The following MTMR3 variants were observed in gnomAD, a reference collection of about 807,000 sequenced individuals.
MTMR3 encodes myotubularin related protein 3.
MTMR3 carries 32 observed loss-of-function variants against 132.4 expected under a neutral mutation model. That is an observed-to-expected ratio of 0.24 (90% CI 0.18 to 0.32). The LOEUF is 0.32. Ranked by LOEUF, MTMR3 falls within the 10% of genes least tolerant of loss-of-function variation. The pLI is 1.00. For synonymous variants in MTMR3, 556 were observed against 550.3 expected (o/e 1.01, Z -0.14); for missense variants, 1,216 against 1,489.6 (o/e 0.82, Z 3.02).
chr22:29,920,117 G>A (rs2065380734), intron 1 of MTMR3, among the ~76,000 whole-genome samples: 1 of 151,908 alleles, frequency 6.6e-6, no homozygotes, highest in Admixed American at 6.6e-5. Context: ...GGGAGGCTGA[G>A]GCAGGAGAAT....
At chr22:29,975,030 A>C (rs1027388737) in intron 3 of MTMR3, among the ~76,000 whole-genome samples, 1 of 152,176 alleles carries the variant, frequency 6.6e-6, no homozygotes, top group African/African-American at 2.4e-5. Context: ...GCAGTGGTGC[A>C]ATCATGGCTC....
At chr22:29,904,614 G>A (rs1368314493) in intron 1 of MTMR3, among the ~76,000 whole-genome samples, 1 of 152,206 alleles carries the variant, frequency 6.6e-6, no homozygotes, top group Non-Finnish European at 1.5e-5. Context: ...TAAGCACTCA[G>A]TATTTGCTAA....
chr22:30,018,778 G>C (rs1186869252), intron 16 of MTMR3: 1 of 151,844 alleles, frequency 6.6e-6, no homozygotes, highest in Non-Finnish European at 1.5e-5. Flanking sequence ...TTTGTCACTT[G>C]AGAATTAGCT....
At chr22:29,953,299 G>A (rs1257150458) in intron 1 of MTMR3, among the ~76,000 whole-genome samples, 1 of 152,200 alleles carries the variant, frequency 6.6e-6, no homozygotes, top group Non-Finnish European at 1.5e-5. Context: ...GAGCCTCTTA[G>A]TTTTCCCTCA....
intron 1 of MTMR3, among the ~76,000 whole-genome samples, chr22:29,925,985 A>G (rs1189719847): frequency 6.6e-6 from 1 of 152,224 alleles, no homozygotes; most frequent in African/African-American, 2.4e-5. Context: ...TTGCATGGTC[A>G]TAACTGCTAT....
chr22:30,022,486 G>T (rs940172195), intron 18 of MTMR3, 123 bp from the exon 19 acceptor site: 1 of 801,084 alleles, frequency 1.2e-6, no homozygotes, highest in South Asian at 1.5e-5. Flanking sequence ...CATCAGATCT[G>T]CTGGGCTGGT....
At chr22:29,947,979 G>A (rs1022704857) in intron 1 of MTMR3, among the ~76,000 whole-genome samples, 2 of 152,066 alleles carry the variant, frequency 1.3e-5, no homozygotes, top group African/African-American at 4.8e-5. Context: ...CCTGCATTGT[G>A]GTGTGTGGTT....
At chr22:30,025,569 G>T in intron 19 of MTMR3, 61 bp from the exon 20 acceptor site, 3 of 1,564,214 alleles carry the variant, frequency 1.9e-6, no homozygotes, top group Admixed American at 3.4e-5. Context: ...TTTTGAAGTT[G>T]GTTTCCCTCC....
intron 9 of MTMR3, chr22:30,006,188 G>A (rs1468282945): frequency 6.6e-6 from 1 of 152,196 alleles, no homozygotes; most frequent in East Asian, 1.9e-4. Context: ...ACTAGGAAAA[G>A]TCTGGGTTTT....
At chr22:30,022,320 A>ACT in intron 18 of MTMR3, 181 bp downstream of exon 18, 1 of 615,796 alleles carries the variant, frequency 1.6e-6, no homozygotes, top group Non-Finnish European at 2.9e-6. Context: ...AGCCAGGGAG[A>ACT]CTCAGCAAGC....
At chr22:30,023,789 T>C (rs966302336) in intron 19 of MTMR3, 12 of 405,612 alleles carry the variant, frequency 3.0e-5, no homozygotes, top group Non-Finnish European at 5.4e-5. Flanking sequence ...TTCAGAGCTA[T>C]TTATTTTGGG....
chr22:30,022,820 A>G (rs2145982049), intron 19 of MTMR3, 123 bp downstream of exon 19: 2 of 845,302 alleles, frequency 2.4e-6, no homozygotes, highest in Non-Finnish European at 3.7e-6. Context: ...CCATGGTCTC[A>G]TCTTCCTGTG....
chr22:29,989,652 G>A (rs990185132), intron 6 of MTMR3: 3 of 152,062 alleles, frequency 2.0e-5, no homozygotes, highest in African/African-American at 7.2e-5. Flanking sequence ...ATTAAATTGA[G>A]GTTCTATTTT....
At chr22:29,898,950 C>T (rs1366765366) in intron 1 of MTMR3, among the ~76,000 whole-genome samples, 1 of 147,468 alleles carries the variant, frequency 6.8e-6, no homozygotes, top group African/African-American at 2.5e-5. Flanking sequence ...TAGTAGTAAT[C>T]CATAGTTCAG....
rs1295276668 is a variant in MTMR3, at chr22:29,960,595, TA to T, written c.-85+3512del. On this transcript the variant is annotated intron_variant, in intron 2 of 19. Coordinates refer to ENST00000401950, the MANE Select transcript of MTMR3 (RefSeq NM_021090.4). ...ATGTATGTACATGTACATACTAATT[TA>T]AAAAGTGCTTATTACATGCCAGTAA... Among the ~76,000 whole-genome samples the T allele has an allele frequency of 1.4e-4, 21 of 152,348 alleles. No homozygotes were observed. The East Asian group carries it at 3.9e-3, about 28-fold the overall frequency.
chr22:29,984,161 CCACTT>C (rs2066811242), intron 5 of MTMR3: 1 of 151,932 alleles, frequency 6.6e-6, no homozygotes, highest in Non-Finnish European at 1.5e-5. Flanking sequence ...CCCAGATATT[CCACTT>C]TATTACTGAT....
At chr22:29,937,676 A>G (rs1181551843) in intron 1 of MTMR3, among the ~76,000 whole-genome samples, 1 of 152,218 alleles carries the variant, frequency 6.6e-6, no homozygotes, top group Non-Finnish European at 1.5e-5. Context: ...GTGTAAACAC[A>G]TCAAAATGCG....
chr22:29,972,485 T>C (rs2066554593), intron 3 of MTMR3, among the ~76,000 whole-genome samples: 1 of 152,206 alleles, frequency 6.6e-6, no homozygotes, highest in African/African-American at 2.4e-5. Context: ...ATCTTTTGTT[T>C]TTGTTTAGTT....
At chr22:29,905,916 A>G (rs1017107780) in intron 1 of MTMR3, among the ~76,000 whole-genome samples, 2 of 152,202 alleles carry the variant, frequency 1.3e-5, no homozygotes, top group Non-Finnish European at 2.9e-5. Flanking sequence ...GCTGTTACAT[A>G]TTAACTTTTT....
Sources: gnomAD v4.1 joint callset for allele counts (sites outside exome capture counted in the v4.1 genomes callset) on GRCh38, gnomAD v4.1.1 for gene constraint, MANE v1.5 for transcripts, NCBI Gene and HGNC (gene_info 2026-07-23, HGNC 2026-07-21) for gene names.